The following CDK14 variants were observed in gnomAD, a reference collection of about 807,000 sequenced individuals.
The protein encoded by CDK14 is cyclin-dependent kinase 14.
A neutral mutation model predicts 60.7 loss-of-function variants in CDK14; 34 were observed. The observed-to-expected ratio is 0.56, with a 90% confidence interval of 0.43 to 0.75. The LOEUF (loss-of-function observed/expected upper bound fraction) is 0.75. CDK14 is among the 30% of genes least tolerant of loss of function. The pLI, the probability that CDK14 is intolerant of heterozygous loss-of-function variation, is 0.00. For synonymous variants in CDK14, 197 were observed against 203.7 expected (o/e 0.97, Z 0.28); for missense variants, 482 against 564.1 (o/e 0.85, Z 1.47).
intron 10 of CDK14, among the ~76,000 whole-genome samples, chr7:90,986,424 A>G (rs988656285): frequency 3.3e-5 from 5 of 152,052 alleles, no homozygotes; most frequent in African/African-American, 1.2e-4. Context: ...CCTACTCCCA[A>G]GAAAATCTCT....
intron 14 of CDK14, among the ~76,000 whole-genome samples, chr7:91,143,594 A>G (rs1800531663): frequency 6.6e-6 from 1 of 152,040 alleles, no homozygotes; most frequent in Admixed American, 6.6e-5. Flanking sequence ...GGTAGTGCTC[A>G]CCTGTAGTCC....
intron 10 of CDK14, among the ~76,000 whole-genome samples, chr7:91,038,605 A>G (rs1188053259): frequency 2.6e-5 from 4 of 152,224 alleles, no homozygotes; most frequent in Non-Finnish European, 4.4e-5. Flanking sequence ...GGAACTAATC[A>G]GGTGGAATGG....
At chr7:90,998,626 C>G (rs1199146267) in intron 10 of CDK14, among the ~76,000 whole-genome samples, 1 of 152,174 alleles carries the variant, frequency 6.6e-6, no homozygotes, top group South Asian at 2.1e-4. Flanking sequence ...CGGTGGCTCA[C>G]GCCTGTAATC....
intron 5 of CDK14, among the ~76,000 whole-genome samples, chr7:90,859,367 G>A (rs548046758): frequency 3.3e-5 from 5 of 152,292 alleles, no homozygotes; most frequent in South Asian, 2.1e-4. Flanking sequence ...GTTCACCTTC[G>A]TGGAGGTAAT....
chr7:90,771,657 G>A (rs772679401), intron 4 of CDK14, among the ~76,000 whole-genome samples: 12 of 152,218 alleles, frequency 7.9e-5, no homozygotes, highest in Non-Finnish European at 1.3e-4. Context: ...AGAGATGATA[G>A]TGTAAAGAAC....
In CDK14 at chr7:90,790,668, T is replaced by G; in HGVS notation, c.544+16T>G. On this transcript the variant is annotated intron_variant, in intron 5 of 14. Transcript: ENST00000380050. ...ATCAGGGAAGGTAGGCACTTTTCCT[T>G]GTTGATATTGCTTTTGTGTTTCTAT... 1.3e-6 allele frequency: 2 copies of G among 1,565,504 alleles called. No homozygotes were observed. Among genetic ancestry groups the G allele is most frequent in the Non-Finnish European group, 1.8e-6 (2 of 1,137,746 alleles).
At chr7:91,180,495 T>A (rs927567804) in intron 14 of CDK14, among the ~76,000 whole-genome samples, 1 of 152,140 alleles carries the variant, frequency 6.6e-6, no homozygotes, top group Non-Finnish European at 1.5e-5. Flanking sequence ...GAAAGAAGAC[T>A]GAAAAATATC....
intron 14 of CDK14, among the ~76,000 whole-genome samples, chr7:91,146,499 C>T (rs1174840422): frequency 7.9e-5 from 12 of 152,142 alleles, no homozygotes; most frequent in Non-Finnish European, 1.2e-4. Flanking sequence ...CCGTGCCCAG[C>T]GCTGAGGTTC....
At chr7:90,899,381 G>T (rs764370281) in intron 7 of CDK14, 28 bp downstream of exon 7, 1 of 1,557,140 alleles carries the variant, frequency 6.4e-7, no homozygotes, top group Admixed American at 1.8e-5. Context: ...TAAGCCAAAG[G>T]TTAGCATTCT....
intron 14 of CDK14, among the ~76,000 whole-genome samples, chr7:91,197,785 A>C (rs10953034): frequency 0.51 from 76,910 of 152,106 alleles, 20,769 homozygotes; most frequent in Middle Eastern, 0.63. Flanking sequence ...TTGACAGCTC[A>C]TCTTGGATTC....
intron 10 of CDK14, among the ~76,000 whole-genome samples, chr7:91,011,107 G>T (rs1796147736): frequency 6.6e-6 from 1 of 151,978 alleles, no homozygotes; most frequent in Middle Eastern, 3.4e-3. Context: ...ATCGGGAATG[G>T]ATATCAGATT....
At chr7:90,665,773 G>A (rs774869497) in intron 2 of CDK14, among the ~76,000 whole-genome samples, 1 of 152,168 alleles carries the variant, frequency 6.6e-6, no homozygotes, top group Non-Finnish European at 1.5e-5. Context: ...AGTTAGAGGA[G>A]TAGTAGTATT....
chr7:91,054,916 C>T (rs1166096992), intron 11 of CDK14, among the ~76,000 whole-genome samples: 2 of 152,014 alleles, frequency 1.3e-5, no homozygotes, highest in Non-Finnish European at 2.9e-5. Flanking sequence ...GTGGAATCAT[C>T]GGAGGGTTTT....
chr7:91,108,594 G>T (rs1284646714), intron 12 of CDK14, among the ~76,000 whole-genome samples: 1 of 152,140 alleles, frequency 6.6e-6, no homozygotes, highest in Non-Finnish European at 1.5e-5. Context: ...TAATAGTGGT[G>T]CCTGTATGGC....
chr7:90,773,966 C>T (rs182958892), intron 4 of CDK14, among the ~76,000 whole-genome samples: 4 of 138,838 alleles, frequency 2.9e-5, no homozygotes, highest in African/African-American at 5.4e-5. Context: ...TGCAGTTGTG[C>T]GATCCCAGCT....
chr7:90,856,286 A>G (rs1359526178), intron 5 of CDK14, among the ~76,000 whole-genome samples: 1 of 152,162 alleles, frequency 6.6e-6, no homozygotes, highest in Non-Finnish European at 1.5e-5. Context: ...TCCATAACCC[A>G]CAGTTGACTC....
At chr7:91,195,649 T>A (rs1361679689) in intron 14 of CDK14, among the ~76,000 whole-genome samples, 1 of 152,200 alleles carries the variant, frequency 6.6e-6, no homozygotes, top group Non-Finnish European at 1.5e-5. Flanking sequence ...GTTGCAGCAG[T>A]CATTTGAAGA....
chr7:90,717,588 TTTA>T (rs1802293156), intron 2 of CDK14, among the ~76,000 whole-genome samples: 1 of 152,084 alleles, frequency 6.6e-6, no homozygotes, highest in Non-Finnish European at 1.5e-5. Flanking sequence ...AAATAAGCAT[TTTA>T]AAACTAAATC....
chr7:90,914,788 A>G (rs1232011458), intron 7 of CDK14, among the ~76,000 whole-genome samples: 2 of 152,312 alleles, frequency 1.3e-5, no homozygotes, highest in Non-Finnish European at 2.9e-5. Context: ...TGATTTACCT[A>G]TGTCTGCCCT....
Sources: gnomAD v4.1 joint callset for allele counts (sites outside exome capture counted in the v4.1 genomes callset) on GRCh38, gnomAD v4.1.1 for gene constraint, MANE v1.5 for transcripts, NCBI Gene and HGNC (gene_info 2026-07-23, HGNC 2026-07-21) for gene names.